Variants in RPH3AL observed in about 807,000 individuals in gnomAD.
RPH3AL encodes rab effector Noc2.
Under a neutral mutation model 43.1 loss-of-function variants are expected in RPH3AL, and 38 were observed. That is an observed-to-expected ratio of 0.88 (90% CI 0.68 to 1.15). The LOEUF (loss-of-function observed/expected upper bound fraction) is 1.15, where lower values mean the gene tolerates loss of function less well. Ranked by LOEUF, RPH3AL falls within the 50% of genes most tolerant of loss-of-function variation. The pLI is 0.00. For missense variants in RPH3AL, 462 were observed against 423.2 expected (o/e 1.09, Z -0.81); for synonymous variants, 189 against 176.3 (o/e 1.07, Z -0.57).
chr17:219,668 T>G lies in RPH3AL; in HGVS notation c.682A>C (p.Thr228Pro), dbSNP rs767041472. ...SSSLEDRLPS[T>P]GVRDRKGDKP... ...TCGCCTTTCCGGTCCCTGACCCCAGTGGATGGGAGTCTGTCCTCTAGGCTG... is the reference window on the plus strand; with the variant it reads ...TCGCCTTTCCGGTCCCTGACCCCAGGGGATGGGAGTCTGTCCTCTAGGCTG... Residue 228 changes from threonine to proline, a missense_variant, in exon 8 of 10, where the codon ACT (threonine) becomes CCT (proline). Physicochemically the swap from Thr to Pro is conservative, Grantham distance 38. Coordinates refer to ENST00000331302, the MANE Select transcript of RPH3AL (RefSeq NM_006987.4). 1.2e-5 allele frequency: 20 copies of G among 1,613,586 alleles called. No individual in the cohort carries two copies. Among genetic ancestry groups the G allele is most frequent in the Non-Finnish European group, 1.6e-5 (19 of 1,179,882 alleles).
intron 5 of RPH3AL, among the ~76,000 whole-genome samples, chr17:318,325 G>A (rs138073137): frequency 1.1e-4 from 16 of 152,268 alleles, no homozygotes; most frequent in Middle Eastern, 3.4e-3. Flanking sequence ...AGGTTGCAGT[G>A]AGCCAAGACT....
chr17:305,011 AGAGGGGGACAGGGCGG>A (rs2043441403), intron 5 of RPH3AL, among the ~76,000 whole-genome samples: 1 of 3,472 alleles, frequency 2.9e-4, no homozygotes, highest in African/African-American at 6.0e-4. Context: ...GGACAGGGCG[AGAGGGGGACAGGGCGG>A]GAGGGGGACA....
At position 246,120 on chromosome 17, in the gene RPH3AL, T is replaced by C. The variant is rs1555539849; in HGVS notation, c.613+991A>G. Among the ~76,000 whole-genome samples the C allele has an allele frequency of 2.0e-5, 3 of 152,116 alleles. No individual in the cohort carries two copies. The highest frequency in any genetic ancestry group is 4.4e-5 in the Non-Finnish European group (3 of 68,016). The stretch of plus-strand genomic sequence containing the variant: ...ATGTTCGTAATAAACATGCATTACT[T>C]TTGTAACAAGAAAAAACAGCCCGAA... On this transcript the variant is annotated intron_variant, in intron 7 of 9. Transcript: ENST00000331302. The surrounding 1 kb of genome is among the most constrained non-coding windows in gnomAD (Gnocchi z 4.8).
chr17:217,191 C>T (rs1446183944), intron 8 of RPH3AL, among the ~76,000 whole-genome samples: 6 of 143,988 alleles, frequency 4.2e-5, no homozygotes, highest in Non-Finnish European at 9.2e-5. Flanking sequence ...TAAAATTGGC[C>T]TCACTGAAAT....
chr17:316,629 C>G (rs112818877), intron 5 of RPH3AL, among the ~76,000 whole-genome samples: 10,801 of 142,064 alleles, frequency 0.076, 497 homozygotes, highest in Non-Finnish European at 0.11. Flanking sequence ...AGTCCCTGTA[C>G]TCCACCTCCA....
chr17:284,286 C>T (rs946443223), intron 5 of RPH3AL, among the ~76,000 whole-genome samples: 2 of 152,210 alleles, frequency 1.3e-5, no homozygotes, highest in Non-Finnish European at 2.9e-5. Flanking sequence ...AGAGATGACT[C>T]GGGCTGCCCG....
intron 6 of RPH3AL, 95 bp downstream of exon 6, chr17:281,673 G>T: frequency 1.9e-5 from 6 of 317,850 alleles, no homozygotes; most frequent in South Asian, 3.3e-5. Context: ...AGCCCGCCCA[G>T]CCCTCCCCAC....
chr17:223,821 G>C (rs2041046337), intron 7 of RPH3AL, among the ~76,000 whole-genome samples: 1 of 152,186 alleles, frequency 6.6e-6, no homozygotes, highest in African/African-American at 2.4e-5. Flanking sequence ...CCAGAGGCTG[G>C]AGCTGGCTGC....
intron 6 of RPH3AL, among the ~76,000 whole-genome samples, chr17:276,815 CTCTTT>C (rs2042666983): frequency 6.6e-6 from 1 of 152,200 alleles, no homozygotes; most frequent in Non-Finnish European, 1.5e-5. Context: ...CCATTTCTCC[CTCTTT>C]TCTTAATGTG....
chr17:219,192 C>CTTTTTTTTTTTT (rs796389217), intron 8 of RPH3AL, among the ~76,000 whole-genome samples: 3 of 58,004 alleles, frequency 5.2e-5, no homozygotes, highest in African/African-American at 2.3e-4. Flanking sequence ...ATAAACAGCA[C>CTTTTTTTTTTTT]TTTTTTTTTT....
chr17:219,853 C>A (rs1011194780), intron 7 of RPH3AL, 117 bp from the exon 8 acceptor site: 12 of 718,756 alleles, frequency 1.7e-5, no homozygotes, highest in Admixed American at 1.0e-4. Context: ...AGCAGCTCAG[C>A]TGGCCCTTTC....
intron 5 of RPH3AL, among the ~76,000 whole-genome samples, chr17:312,301 A>T (rs1278722903): frequency 6.6e-6 from 1 of 152,034 alleles, no homozygotes; most frequent in African/African-American, 2.4e-5. Context: ...ACCCTGTCAA[A>T]ACACAGAAAA....
chr17:216,419 AGAG>A (rs1390378340), intron 8 of RPH3AL, among the ~76,000 whole-genome samples: 7 of 152,084 alleles, frequency 4.6e-5, no homozygotes, highest in Admixed American at 1.3e-4. Flanking sequence ...CTAATGAGAG[AGAG>A]ATGTTGACTG....
At chr17:304,491 G>T (rs964805494) in intron 5 of RPH3AL, among the ~76,000 whole-genome samples, 1 of 152,166 alleles carries the variant, frequency 6.6e-6, no homozygotes, top group African/African-American at 2.4e-5. Flanking sequence ...ATCTGCTGAG[G>T]CTCAAACAAC....
chr17:279,534 G>A (rs73278924), intron 6 of RPH3AL, among the ~76,000 whole-genome samples: 3 of 152,278 alleles, frequency 2.0e-5, no homozygotes, highest in African/African-American at 4.8e-5. Flanking sequence ...ATTAAGACAG[G>A]CTGGTGGTAG....
At position 322,818 on chromosome 17, in the gene RPH3AL, C is replaced by A. The variant is rs1158029034; in HGVS notation, c.78-1403G>T. Among the ~76,000 whole-genome samples, 1 of 152,102 alleles carries A rather than the reference C, an allele frequency of 6.6e-6. No individual in the cohort carries two copies. Among genetic ancestry groups the A allele is most frequent in the Non-Finnish European group, 1.5e-5 (1 of 68,016 alleles). ...ACAATAGGAGTTTGGAAAGCTAATA[C>A]GCATATCCTTTCTCTGTCAGGGGGA... On this transcript the variant is annotated intron_variant, in intron 3 of 9. Transcript: ENST00000331302. The surrounding 1 kb of genome is among the most constrained non-coding windows in gnomAD (Gnocchi z 4.0).
intron 5 of RPH3AL, among the ~76,000 whole-genome samples, chr17:315,177 T>TGA (rs2043922883): frequency 9.7e-6 from 1 of 102,652 alleles, no homozygotes; most frequent in African/African-American, 3.7e-5. Flanking sequence ...CCACCTCCAT[T>TGA]CACCTGTAGT....
At position 247,285 on chromosome 17, in the gene RPH3AL, CCT is replaced by C. The variant is rs2041790807; in HGVS notation, c.439-2_439-1del. On this transcript the variant is annotated splice_acceptor_variant, in intron 6 of 9. Transcript: ENST00000331302. LOFTEE classifies it high-confidence loss of function. ...AACCAGGCCCCCGACCTCTTCCAGA[CCT>C]GAGTGGGGGAAGAGAGCTGCTTGGG... The C allele has an allele frequency of 3.8e-6, 6 of 1,570,606 alleles. No homozygotes were observed. The highest frequency in any genetic ancestry group is 5.2e-6 in the Non-Finnish European group (6 of 1,156,654).
At chr17:256,291 G>T (rs1270686511) in intron 6 of RPH3AL, among the ~76,000 whole-genome samples, 4 of 62,520 alleles carry the variant, frequency 6.4e-5, no homozygotes, top group Admixed American at 1.7e-4. Flanking sequence ...CTAGGAACGT[G>T]ACTACCCTAC....
Sources: allele counts gnomAD v4.1 joint callset (sites outside exome capture counted in the v4.1 genomes callset), GRCh38; gene constraint gnomAD v4.1.1; non-coding constraint Gnocchi (gnomAD v3.1); transcripts MANE v1.5; gene names NCBI Gene and HGNC (gene_info 2026-07-23, HGNC 2026-07-21).